PLXNA2: variants seen among roughly 807,000 people sequenced by gnomAD.
The protein encoded by PLXNA2 is plexin A2, also known as plexin-A2.
A neutral mutation model predicts 193.5 loss-of-function variants in PLXNA2; 91 were observed. The observed-to-expected ratio is 0.47, with a 90% CI of 0.40 to 0.56. PLXNA2 has a LOEUF of 0.56. PLXNA2 is among the 20% of genes least tolerant of loss of function. The probability of loss-of-function intolerance (pLI) is 0.00; values close to 1 mark genes in which losing one functional copy is unlikely to be tolerated. For synonymous variants in PLXNA2, 997 were observed against 1,027.3 expected, an observed-to-expected ratio of 0.97 and a Z score of 0.56; for missense variants, 1,995 against 2,503.2, an observed-to-expected ratio of 0.80 and a Z score of 4.33.
intron 9 of PLXNA2, among the ~76,000 whole-genome samples, chr1:208,088,015 CTG>C (rs1666585883): frequency 6.6e-6 from 1 of 152,206 alleles, no homozygotes. Context: ...AATGTTAAGA[CTG>C]TTGTTCACAT....
Position 208,034,698 on chromosome 1 carries a change from A to T in PLXNA2, c.4765-106T>A, listed in dbSNP as rs923003729. ...GTTATAAGATAGCTGTGGGGTAGAG[A>T]GCAAGGAGTACAGGAATACCAGAAA... On this transcript the variant is annotated intron_variant, in intron 26 of 31. Transcript: ENST00000367033. 1.7e-5 allele frequency: 12 copies of T among 694,032 alleles called. No individual in the cohort carries two copies. The African/African-American group carries it at 2.1e-4, about 12-fold the overall frequency. 43.0% of individuals were successfully genotyped at this position (694,032 alleles called of 1,614,324 possible). A position where few individuals can be genotyped will look rare whatever the true frequency, so the allele number is the denominator to read the frequency against.
chr1:208,071,743 G>T (rs1571884220), intron 12 of PLXNA2, among the ~76,000 whole-genome samples: 1 of 152,312 alleles, frequency 6.6e-6, no homozygotes, highest in East Asian at 1.9e-4. Context: ...GCTGTTTGTT[G>T]CAGTGATGTT....
At chr1:208,225,665 A>G (rs1478012357) in intron 1 of PLXNA2, among the ~76,000 whole-genome samples, 2 of 152,158 alleles carry the variant, frequency 1.3e-5, no homozygotes, top group African/African-American at 4.8e-5. Context: ...TCACTAGGGT[A>G]GGCTCTAATG....
intron 1 of PLXNA2, among the ~76,000 whole-genome samples, chr1:208,229,116 C>T (rs182690312): frequency 5.0e-4 from 76 of 152,288 alleles, no homozygotes; most frequent in Middle Eastern, 3.4e-3. Context: ...TACAGGTCTG[C>T]CTCAGTACAC....
chr1:208,151,019 G>A (rs1378910378), intron 3 of PLXNA2, among the ~76,000 whole-genome samples: 2 of 152,214 alleles, frequency 1.3e-5, no homozygotes, highest in African/African-American at 2.4e-5. Flanking sequence ...GCTTGGGCAG[G>A]TCAGGAGGCT....
intron 15 of PLXNA2, among the ~76,000 whole-genome samples, chr1:208,051,681 CT>C (rs1311563668): frequency 2.0e-5 from 3 of 152,128 alleles, no homozygotes; most frequent in African/African-American, 4.8e-5. Context: ...GGGGAAACTC[CT>C]TTTTTCTGGA....
chr1:208,115,696 C>A (rs567626224), intron 4 of PLXNA2, among the ~76,000 whole-genome samples: 48 of 152,270 alleles, frequency 3.2e-4, no homozygotes, highest in Middle Eastern at 6.8e-3. Flanking sequence ...TGCACAGATA[C>A]AACCTTGATC....
At chr1:208,053,528 G>A (rs1182296805) in intron 14 of PLXNA2, among the ~76,000 whole-genome samples, 7 of 152,194 alleles carry the variant, frequency 4.6e-5, no homozygotes, top group Non-Finnish European at 8.8e-5. Context: ...AGAAGGCAGA[G>A]GCTAGAAAAC....
chr1:208,205,832 A>G (rs1023278365), intron 3 of PLXNA2, among the ~76,000 whole-genome samples: 1 of 152,182 alleles, frequency 6.6e-6, no homozygotes, highest in East Asian at 1.9e-4. Flanking sequence ...ACGCCTACCC[A>G]GTGGCCCTGT....
intron 8 of PLXNA2, among the ~76,000 whole-genome samples, chr1:208,094,925 C>T (rs545914644): frequency 1.1e-4 from 17 of 152,310 alleles, no homozygotes; most frequent in African/African-American, 3.8e-4. Context: ...TAGGGTTTAG[C>T]TGCAAACAGA....
chr1:208,039,520 C>A (rs1470745693), intron 24 of PLXNA2, 101 bp downstream of exon 24: 2 of 1,508,860 alleles, frequency 1.3e-6, no homozygotes, highest in South Asian at 1.2e-5. Flanking sequence ...AGCCTCCCAT[C>A]CTCTTTATTG....
In PLXNA2 at chr1:208,086,990, TGAGAGAGAGA is replaced by T. The variant is rs57506358; in HGVS notation, c.2098-2420_2098-2411del. ...CTCTCTCTCTCTCTCTGTGTGTGTG[TGAGAGAGAGA>T]GAGAGAGAGAGAGAGACAGACAGAC... On this transcript the variant is annotated intron_variant, in intron 9 of 31. Coordinates refer to ENST00000367033, the MANE Select transcript of PLXNA2 (RefSeq NM_025179.4). 2.2e-3 allele frequency among the ~76,000 whole-genome samples: 299 copies of T among 138,604 alleles called. 1 individual carries two copies. The highest frequency in any genetic ancestry group is 6.6e-3 in the African/African-American group (253 of 38,434). The allele number at this position is 138,604 out of a possible 152,430, so 90.9% of individuals were successfully genotyped here.
Position 208,079,785 on chromosome 1 carries a change from CGTT to C in PLXNA2, c.2396-338_2396-336del, listed in dbSNP as rs1158101236. 1.9e-4 allele frequency among the ~76,000 whole-genome samples: 22 copies of C among 117,150 alleles called. No individual in the cohort carries two copies. In the East Asian group the frequency reaches 4.3e-3, roughly 23 times the overall value. The allele number at this position is 117,150 out of a possible 152,430, so 76.9% of individuals were successfully genotyped here. ...ACCTAATCTCTAACATGAAGATAATCGTTGTTTTTTTTTGTGAGGTTGGAATAA... is the reference window on the plus strand; with the variant it reads ...ACCTAATCTCTAACATGAAGATAATCGTTTTTTTTTGTGAGGTTGGAATAA... On this transcript the variant is annotated intron_variant, in intron 11 of 31. Transcript: ENST00000367033.
chr1:208,079,901 A>G (rs984533889), intron 11 of PLXNA2, among the ~76,000 whole-genome samples: 1 of 152,276 alleles, frequency 6.6e-6, no homozygotes, highest in Non-Finnish European at 1.5e-5. Context: ...AACTCGTGCT[A>G]TATTCTTATG....
chr1:208,083,457 C>G (rs921180672), intron 10 of PLXNA2, among the ~76,000 whole-genome samples: 1 of 152,098 alleles, frequency 6.6e-6, no homozygotes, highest in African/African-American at 2.4e-5. Flanking sequence ...CCCCTGCCCA[C>G]TGCCTCCCTT....
intron 3 of PLXNA2, among the ~76,000 whole-genome samples, chr1:208,177,896 C>A (rs1391084880): frequency 2.6e-5 from 4 of 152,256 alleles, no homozygotes; most frequent in Non-Finnish European, 5.9e-5. Flanking sequence ...ACTCTCAAGT[C>A]TGAGAATCAC....
chr1:208,133,717 A>G (rs1339980770), intron 4 of PLXNA2, among the ~76,000 whole-genome samples: 1 of 152,254 alleles, frequency 6.6e-6, no homozygotes, highest in Non-Finnish European at 1.5e-5. Flanking sequence ...GTTTTTAAAC[A>G]CAGTGTTCAC....
intron 3 of PLXNA2, among the ~76,000 whole-genome samples, chr1:208,168,723 GGTTTTTTTTTTTTT>G (rs1403835824): frequency 2.0e-5 from 2 of 102,194 alleles, no homozygotes; most frequent in Admixed American, 1.3e-4. Flanking sequence ...GAGTATGCGG[GGTTTTTTTTTTTTT>G]TTTTTTTTTT....
At chr1:208,158,556 T>C (rs574655806) in intron 3 of PLXNA2, among the ~76,000 whole-genome samples, 1 of 152,290 alleles carries the variant, frequency 6.6e-6, no homozygotes, top group African/African-American at 2.4e-5. Context: ...TGGACTTTCA[T>C]TCTAATCCCA....
Sources: gnomAD v4.1 joint callset for allele counts (sites outside exome capture counted in the v4.1 genomes callset) on GRCh38, gnomAD v4.1.1 for gene constraint, MANE v1.5 for transcripts, NCBI Gene and HGNC (gene_info 2026-07-23, HGNC 2026-07-21) for gene names.